The following GALNTL6 variants were observed in gnomAD, a reference collection of about 807,000 sequenced individuals.
The protein encoded by GALNTL6 is polypeptide N-acetylgalactosaminyltransferase-like 6.
Under a neutral mutation model 73.7 loss-of-function variants are expected in GALNTL6, and 46 were observed. The observed-to-expected ratio is 0.62, with a 90% CI of 0.49 to 0.80. The LOEUF (loss-of-function observed/expected upper bound fraction) is 0.80, where lower values mean the gene tolerates loss of function less well. Ranked by LOEUF, GALNTL6 falls within the 30% of genes least tolerant of loss-of-function variation. The pLI is 0.00. For missense variants in GALNTL6, 604 were observed against 755.0 expected (o/e 0.80, Z 2.34); for synonymous variants, 259 against 263.7 (o/e 0.98, Z 0.17).
intron 2 of GALNTL6, among the ~76,000 whole-genome samples, chr4:171,836,571 CCAA>C (rs1735100304): frequency 1.3e-5 from 2 of 152,080 alleles, no homozygotes; most frequent in African/African-American, 4.8e-5. Context: ...TTCTAGTTCT[CCAA>C]CATCATCGTA....
chr4:172,234,214 T>G (rs1293653359), intron 3 of GALNTL6, among the ~76,000 whole-genome samples: 1 of 152,136 alleles, frequency 6.6e-6, no homozygotes, highest in Admixed American at 6.5e-5. Context: ...TTAAAAATGT[T>G]TTTTTCTATT....
At chr4:172,872,663 A>T (rs1745005352) in intron 7 of GALNTL6, among the ~76,000 whole-genome samples, 4 of 152,160 alleles carry the variant, frequency 2.6e-5, no homozygotes, top group Non-Finnish European at 5.9e-5. Context: ...ATTTTCCCAG[A>T]TTACTTTTGG....
At chr4:172,208,657 C>T (rs1381748651) in intron 2 of GALNTL6, among the ~76,000 whole-genome samples, 2 of 152,030 alleles carry the variant, frequency 1.3e-5, no homozygotes, top group South Asian at 2.1e-4. Context: ...AAAAAGAATG[C>T]ATTTTATAAA....
chr4:172,668,045 T>A (rs1284481782), intron 5 of GALNTL6: 1 of 152,198 alleles, frequency 6.6e-6, no homozygotes, highest in Non-Finnish European at 1.5e-5. Context: ...TTTGCCCTAA[T>A]GTGTCTTTGG....
At chr4:172,905,812 C>CAAAAAAAAAAAAA (rs397996287) in intron 8 of GALNTL6, among the ~76,000 whole-genome samples, 10 of 69,672 alleles carry the variant, frequency 1.4e-4, no homozygotes, top group Middle Eastern at 0.013. Context: ...AGAGATCACT[C>CAAAAAAAAAAAAA]AAAAAAAAAA....
In GALNTL6 at chr4:173,011,317, T is replaced by C. The variant is rs1246999182; in HGVS notation, c.1488+2023T>C. ...CCCATTCTGTGGGTTGTCTCTTCACTGTGTTGATTGTTTCCTTTGCCGTGC... is the reference window on the plus strand; with the variant it reads ...CCCATTCTGTGGGTTGTCTCTTCACCGTGTTGATTGTTTCCTTTGCCGTGC... On this transcript the variant is annotated intron_variant, in intron 11 of 12. Transcript: ENST00000506823. Among the ~76,000 whole-genome samples, 9 of 152,192 alleles carry C rather than the reference T, an allele frequency of 5.9e-5. No homozygotes were observed. In the East Asian group the frequency reaches 1.7e-3, roughly 29 times the overall value.
At chr4:172,932,549 G>A (rs1035258206) in intron 9 of GALNTL6, among the ~76,000 whole-genome samples, 2 of 152,008 alleles carry the variant, frequency 1.3e-5, no homozygotes, top group African/African-American at 4.8e-5. Context: ...CACACACCTT[G>A]AATGGAAATA....
At chr4:172,811,016 C>T (rs1448993555) in intron 6 of GALNTL6, among the ~76,000 whole-genome samples, 1 of 152,056 alleles carries the variant, frequency 6.6e-6, no homozygotes, top group African/African-American at 2.4e-5. Context: ...CCACAACCCA[C>T]ATTTTCTCAT....
At chr4:172,291,132 A>T (rs2111100005) in intron 3 of GALNTL6, among the ~76,000 whole-genome samples, 1 of 152,198 alleles carries the variant, frequency 6.6e-6, no homozygotes, top group East Asian at 1.9e-4. Flanking sequence ...CCATTCCAGG[A>T]TTTTCAGTTG....
chr4:172,467,455 G>A (rs1020869995), intron 5 of GALNTL6, among the ~76,000 whole-genome samples: 1 of 152,202 alleles, frequency 6.6e-6, no homozygotes, highest in Admixed American at 6.5e-5. Context: ...ACTGGCTGAT[G>A]GTTGGGGTCC....
intron 10 of GALNTL6, among the ~76,000 whole-genome samples, chr4:173,001,734 T>C (rs1752054269): frequency 1.3e-5 from 2 of 152,188 alleles, no homozygotes; most frequent in South Asian, 2.1e-4. Flanking sequence ...TTCTCCAAAC[T>C]ATACAAATGC....
intron 2 of GALNTL6, among the ~76,000 whole-genome samples, chr4:171,924,480 T>C (rs1217953617): frequency 1.3e-5 from 2 of 152,154 alleles, no homozygotes; most frequent in Admixed American, 1.3e-4. Flanking sequence ...AATGATGGAC[T>C]ATTTAGAGTA....
chr4:172,589,382 T>C (rs1737548562), intron 5 of GALNTL6, among the ~76,000 whole-genome samples: 1 of 152,208 alleles, frequency 6.6e-6, no homozygotes, highest in African/African-American at 2.4e-5. Context: ...CTTTTTGAAC[T>C]TGAGAATCTT....
chr4:172,733,615 G>A (rs1560913082), intron 5 of GALNTL6, among the ~76,000 whole-genome samples: 2 of 152,144 alleles, frequency 1.3e-5, no homozygotes, highest in Non-Finnish European at 2.9e-5. Context: ...TCATGATAGT[G>A]AATAAGTCTC....
At chr4:172,871,597 T>G (rs2332609) in intron 7 of GALNTL6, among the ~76,000 whole-genome samples, 88,813 of 141,444 alleles carry the variant, frequency 0.63, 30,331 homozygotes, top group East Asian at 0.91. Context: ...CTGGGGGGGG[T>G]GTGTGTGTGT....
At chr4:171,952,270 A>G (rs1184330611) in intron 2 of GALNTL6, among the ~76,000 whole-genome samples, 2 of 152,058 alleles carry the variant, frequency 1.3e-5, no homozygotes, top group Admixed American at 1.3e-4. Flanking sequence ...TTGAAAATAG[A>G]AACGGCCCCA....
chr4:171,959,313 C>T (rs1423025343), intron 2 of GALNTL6, among the ~76,000 whole-genome samples: 1 of 152,068 alleles, frequency 6.6e-6, no homozygotes, highest in East Asian at 1.9e-4. Context: ...GCAATGTTCT[C>T]TTAGGTAAGA....
intron 2 of GALNTL6, among the ~76,000 whole-genome samples, chr4:171,917,470 A>T (rs1039452683): frequency 6.6e-6 from 1 of 152,090 alleles, no homozygotes; most frequent in Admixed American, 6.6e-5. Flanking sequence ...GCTCAGGGCC[A>T]TTTATCAGCT....
chr4:172,212,461 T>A (rs1050503257), intron 2 of GALNTL6, among the ~76,000 whole-genome samples: 3 of 152,132 alleles, frequency 2.0e-5, no homozygotes, highest in African/African-American at 7.2e-5. Context: ...GCCCAGCCAA[T>A]GATTAGCTTT....
Sources: gnomAD v4.1 joint callset for allele counts (sites outside exome capture counted in the v4.1 genomes callset) on GRCh38, gnomAD v4.1.1 for gene constraint, MANE v1.5 for transcripts, NCBI Gene and HGNC (gene_info 2026-07-23, HGNC 2026-07-21) for gene names.